CALD1: variants seen among roughly 807,000 people sequenced by gnomAD.
The protein encoded by CALD1 is caldesmon.
CALD1 carries 33 observed loss-of-function variants against 99.9 expected under a neutral mutation model. The ratio of observed to expected loss-of-function variants is 0.33; its 90% CI spans 0.25 to 0.44. The LOEUF (loss-of-function observed/expected upper bound fraction) is 0.44, where lower values mean the gene tolerates loss of function less well. CALD1 is among the 20% of genes least tolerant of loss of function. The pLI is 1.00. For synonymous variants in CALD1, 310 were observed against 325.0 expected, an observed-to-expected ratio of 0.95 and a Z score of 0.50; for missense variants, 861 against 962.1, an observed-to-expected ratio of 0.89 and a Z score of 1.39.
At chr7:134,780,303 G>C (rs1414931860) in intron 1 of CALD1, among the ~76,000 whole-genome samples, 2 of 152,192 alleles carry the variant, frequency 1.3e-5, no homozygotes, top group African/African-American at 4.8e-5. Context: ...GTCAGAGATG[G>C]AGAGATCACT....
In CALD1 at chr7:134,825,388, G is replaced by A. The variant is rs1202028051; in HGVS notation, c.-129-18496G>A. Reference sequence around the variant, plus strand: ...TTTGCTTTGTTAACTATAAATTTAAGTTTGGATTTCCTCTTTCCAAGCATT... The same window carrying A: ...TTTGCTTTGTTAACTATAAATTTAAATTTGGATTTCCTCTTTCCAAGCATT... On this transcript the variant is annotated intron_variant, in intron 1 of 14. Transcript: ENST00000361675. Among the ~76,000 whole-genome samples the A allele has an allele frequency of 2.0e-5, 3 of 152,092 alleles. No individual in the cohort carries two copies. In the East Asian group the frequency reaches 5.8e-4, roughly 29 times the overall value.
the CALD1 span, among the ~76,000 whole-genome samples, chr7:134,732,704 A>C: frequency 0.66 from 100,580 of 152,120 alleles, 33,777 homozygotes; most frequent in East Asian, 0.89. Context: ...CCCAAATGAC[A>C]CTTCCAATTT....
At chr7:134,939,125 T>C (rs1806228184) in intron 6 of CALD1, among the ~76,000 whole-genome samples, 1 of 152,192 alleles carries the variant, frequency 6.6e-6, no homozygotes, top group South Asian at 2.1e-4. Flanking sequence ...CTAACAACAA[T>C]AGGCCAAAAT....
Position 134,935,749 on chromosome 7 carries a change from C to T in CALD1, c.1370C>T (p.Thr457Ile), listed in dbSNP as rs1320062550. ...KREKLQEDKP[T>I]FKKEEIKDEK... ...GAAAAGCTCCAAGAAGACAAGCCTA[C>T]CTTCAAAAAAGAAGAGGTAAATATG... The change falls in exon 6 of 15, where the codon ACC becomes ATC. Residue 457 changes from threonine to isoleucine, a missense_variant. By Grantham distance (89) the Thr-to-Ile change is moderately conservative (BLOSUM62 -1). Around this residue, in one of 5 missense-constraint regions of CALD1, gnomAD observed 293 missense variants for 262.7 expected, o/e 1.12. Coordinates refer to ENST00000361675, the MANE Select transcript of CALD1 (RefSeq NM_033138.4). The T allele has an allele frequency of 6.3e-7, 1 of 1,593,290 alleles. No individual in the cohort carries two copies. The highest frequency in any genetic ancestry group is 8.5e-7 in the Non-Finnish European group (1 of 1,172,044).
intron 1 of CALD1, among the ~76,000 whole-genome samples, chr7:134,789,265 A>G (rs1233210156): frequency 1.3e-5 from 2 of 152,222 alleles, no homozygotes; most frequent in Admixed American, 6.5e-5. Flanking sequence ...ATTAAGTAAT[A>G]TAGCTAAGGT....
At chr7:134,891,278 A>G in intron 3 of CALD1, 2 of 661,760 alleles carry the variant, frequency 3.0e-6, no homozygotes, top group Non-Finnish European at 4.0e-6. Context: ...ACTACCCAGC[A>G]ATAACATTTC....
intron 1 of CALD1, among the ~76,000 whole-genome samples, chr7:134,833,640 T>C (rs1799317219): frequency 6.6e-6 from 1 of 152,240 alleles, no homozygotes; most frequent in Admixed American, 6.5e-5. Context: ...CTCACTTATT[T>C]ATTCACTTAA....
intron 3 of CALD1, among the ~76,000 whole-genome samples, chr7:134,927,837 C>T (rs1805151987): frequency 6.7e-6 from 1 of 149,506 alleles, no homozygotes; most frequent in Admixed American, 6.7e-5. Flanking sequence ...GAGGGAAAAA[C>T]AAAATCCAAG....
At chr7:134,960,784 A>T in intron 13 of CALD1, 156 bp downstream of exon 13, 1 of 575,662 alleles carries the variant, frequency 1.7e-6, no homozygotes, top group Non-Finnish European at 3.1e-6. Context: ...GATTTACAAC[A>T]GTTCTAAGAA....
rs768999691 is a variant in CALD1, at chr7:134,928,895, G to C, written c.213G>C (p.Gln71His). The part of the protein sequence containing the change: ...QVTDQVEVNA[Q>H]NSVPDEEAKT... The stretch of plus-strand genomic sequence containing the variant: ...CCGACCAGGTGGAGGTGAATGCCCA[G>C]AACAGGTACTGTCCTCTTTGGGACG... Residue 71 changes from glutamine to histidine, a missense_variant, in exon 4 of 15, where the codon CAG becomes CAC. Gln to His is a conservative substitution (Grantham distance 24, BLOSUM62 0). This residue lies in a region of CALD1 where 123 missense variants were observed against 169.8 expected (regional missense o/e 0.72). Coordinates refer to ENST00000361675, the MANE Select transcript of CALD1 (RefSeq NM_033138.4). The C allele has an allele frequency of 5.0e-6, 8 of 1,611,342 alleles. No individual in the cohort carries two copies. The Middle Eastern group carries it at 5.0e-4, about 100-fold the overall frequency.
chr7:134,924,362 AG>A (rs924292384), intron 3 of CALD1, among the ~76,000 whole-genome samples: 1 of 152,194 alleles, frequency 6.6e-6, no homozygotes, highest in Non-Finnish European at 1.5e-5. Context: ...TGAACAATTC[AG>A]GGTACTTTTT....
At chr7:134,941,372 G>C in intron 7 of CALD1, 135 bp downstream of exon 7, 1 of 678,718 alleles carries the variant, frequency 1.5e-6, no homozygotes, top group Non-Finnish European at 2.5e-6. Context: ...GAGGTCATTA[G>C]CCATTGTCTT....
At chr7:134,951,676 G>A (rs375631010) in intron 9 of CALD1, among the ~76,000 whole-genome samples, 2 of 152,294 alleles carry the variant, frequency 1.3e-5, no homozygotes, top group South Asian at 4.1e-4. Flanking sequence ...AAAACAGAGT[G>A]CTGCCAAGAG....
At chr7:134,900,064 A>G (rs1363031847) in intron 3 of CALD1, 1 of 152,212 alleles carries the variant, frequency 6.6e-6, no homozygotes, top group East Asian at 1.9e-4. Context: ...ATAACAATAA[A>G]ATAAAATAAA....
chr7:134,832,741 A>G (rs1030535543), intron 1 of CALD1, among the ~76,000 whole-genome samples: 2 of 152,200 alleles, frequency 1.3e-5, no homozygotes, highest in African/African-American at 2.4e-5. Flanking sequence ...TGCAGCCTCA[A>G]TATCATTTAA....
intron 3 of CALD1, among the ~76,000 whole-genome samples, chr7:134,909,326 C>T (rs1248161807): frequency 6.6e-6 from 1 of 152,206 alleles, no homozygotes; most frequent in Admixed American, 6.5e-5. Flanking sequence ...TCTAGAATTA[C>T]TCATTACTCT....
chr7:134,823,636 C>A (rs1414951207), intron 1 of CALD1, among the ~76,000 whole-genome samples: 1 of 152,136 alleles, frequency 6.6e-6, no homozygotes, highest in Non-Finnish European at 1.5e-5. Context: ...TGGGAATAGA[C>A]AAAGTTACAT....
rs55688126 is a variant in CALD1 at position 134,812,583 on chromosome 7, TAAA to T, written c.-129-31287_-129-31285del. On this transcript the variant is annotated intron_variant, in intron 1 of 14. Coordinates refer to ENST00000361675, the MANE Select transcript of CALD1 (RefSeq NM_033138.4). ...CCAGCGCACCACTGGAAAGAATAGT[TAAA>T]AAAAAAAAAAAAATGAGCTCAAGGT... 5.7e-4 allele frequency among the ~76,000 whole-genome samples: 82 copies of T among 143,842 alleles called. No individual in the cohort carries two copies. The East Asian group carries it at 7.2e-3, about 13-fold the overall frequency. The allele number at this position is 143,842 out of a possible 152,430, so 94.4% of individuals were successfully genotyped here.
intron 3 of CALD1, among the ~76,000 whole-genome samples, chr7:134,893,615 C>A (rs943678371): frequency 2.0e-5 from 3 of 152,182 alleles, no homozygotes; most frequent in African/African-American, 7.2e-5. Flanking sequence ...TACCCTCACC[C>A]TCCTGTTTCT....
Sources: gnomAD v4.1 joint callset for allele counts (sites outside exome capture counted in the v4.1 genomes callset) on GRCh38, gnomAD v4.1.1 for gene constraint, gnomAD v4.1.1 regional missense constraint, MANE v1.5 for transcripts, NCBI Gene and HGNC (gene_info 2026-07-23, HGNC 2026-07-21) for gene names.